The following CDK8 variants were observed in gnomAD, a reference collection of about 807,000 sequenced individuals.
CDK8 encodes cyclin dependent kinase 8, also known as cyclin-dependent kinase 8.
A neutral mutation model predicts 71.5 loss-of-function variants in CDK8; 29 were observed. That is an observed-to-expected ratio of 0.41 (90% confidence interval 0.30 to 0.55). CDK8 has a LOEUF of 0.55. Among genes scored for constraint, CDK8 ranks in the 20% least tolerant of loss-of-function variants. The pLI is 0.37. For synonymous variants in CDK8, 161 were observed against 192.1 expected (o/e 0.84, Z 1.34); for missense variants, 288 against 572.6 (o/e 0.50, Z 5.07).
chr13:26,371,496 T>C (rs747815549), intron 4 of CDK8, among the ~76,000 whole-genome samples: 8 of 152,222 alleles, frequency 5.3e-5, no homozygotes, highest in Non-Finnish European at 1.0e-4. Context: ...CTATCAGATA[T>C]AGTTTATTTC....
At position 26,290,883 on chromosome 13, in the gene CDK8, G is replaced by A. The variant is rs145664672; in HGVS notation, c.128+36114G>A. Among the ~76,000 whole-genome samples, 609 of 152,136 alleles carry A rather than the reference G, an allele frequency of 4.0e-3. 7 individuals carry two copies. The highest frequency in any genetic ancestry group is 0.014 in the African/African-American group (570 of 41,512). On this transcript the variant is annotated intron_variant, in intron 1 of 12. Coordinates refer to ENST00000381527, the MANE Select transcript of CDK8 (RefSeq NM_001260.3). The stretch of plus-strand genomic sequence containing the variant: ...TGTAATCCCAGCACTTTGGGAGGCC[G>A]AGGCAGGTGGATCATGAGGTCAAGA...
At chr13:26,262,102 T>C (rs1476840947) in intron 1 of CDK8, among the ~76,000 whole-genome samples, 1 of 152,232 alleles carries the variant, frequency 6.6e-6, no homozygotes, top group Non-Finnish European at 1.5e-5. Context: ...GAAATGCTTT[T>C]TTCTCAGTTG....
intron 1 of CDK8, among the ~76,000 whole-genome samples, chr13:26,310,559 C>T (rs1036161714): frequency 3.3e-5 from 5 of 152,156 alleles, no homozygotes; most frequent in East Asian, 3.9e-4. Flanking sequence ...CTAGATCCCT[C>T]GCATACAGTT....
rs1275858359 is a variant in CDK8 at position 26,369,714 on chromosome 13, T to C, written c.457-13100T>C. 1.1e-3 allele frequency among the ~76,000 whole-genome samples: 154 copies of C among 141,104 alleles called. No homozygotes were observed. In the Middle Eastern group the frequency reaches 0.014, roughly 13 times the overall value. 92.6% of individuals were successfully genotyped at this position (141,104 alleles called of 152,430 possible). A position where few individuals can be genotyped will look rare whatever the true frequency, so the allele number is the denominator to read the frequency against. Reference sequence around the variant, plus strand: ...CGGCTAATTTTTCTTTCTTTCTTTTTTTTTTTTTTTTTTTTGTATTTTTAG... The same window carrying C: ...CGGCTAATTTTTCTTTCTTTCTTTTCTTTTTTTTTTTTTTTGTATTTTTAG... On this transcript the variant is annotated intron_variant, in intron 4 of 12. Transcript: ENST00000381527.
rs766830272 is a variant in CDK8 at position 26,308,116 on chromosome 13, G to A, written c.129-29451G>A. On this transcript the variant is annotated intron_variant, in intron 1 of 12. Coordinates refer to ENST00000381527, the MANE Select transcript of CDK8 (RefSeq NM_001260.3). ...TGGTACATTCGTAAACAATTTTCTAGAATTGTGCTGTGCAGTGCAGTAGCC... is the reference window on the plus strand; with the variant it reads ...TGGTACATTCGTAAACAATTTTCTAAAATTGTGCTGTGCAGTGCAGTAGCC... 5.3e-5 allele frequency among the ~76,000 whole-genome samples: 8 copies of A among 152,188 alleles called. No homozygotes were observed. The South Asian group carries it at 6.2e-4, about 12-fold the overall frequency.
At chr13:26,274,853 T>C (rs1219690156) in intron 1 of CDK8, among the ~76,000 whole-genome samples, 1 of 152,220 alleles carries the variant, frequency 6.6e-6, no homozygotes, top group Non-Finnish European at 1.5e-5. Flanking sequence ...AAATGTGTAA[T>C]CAAATGTATC....
At chr13:26,275,255 T>C (rs375238833) in intron 1 of CDK8, among the ~76,000 whole-genome samples, 2 of 152,232 alleles carry the variant, frequency 1.3e-5, no homozygotes, top group East Asian at 3.8e-4. Flanking sequence ...TTACAGTTTT[T>C]CTTATCCATT....
intron 1 of CDK8, among the ~76,000 whole-genome samples, chr13:26,285,445 A>G (rs758784458): frequency 2.6e-5 from 4 of 152,218 alleles, no homozygotes; most frequent in Non-Finnish European, 4.4e-5. Flanking sequence ...AGCATTTAAC[A>G]ATATGATTAA....
intron 1 of CDK8, among the ~76,000 whole-genome samples, chr13:26,329,469 G>GTTTTTTTTTTTTTTGTTTTTT (rs35796023): frequency 1.4e-5 from 1 of 71,578 alleles, no homozygotes; most frequent in African/African-American, 4.0e-5. Context: ...GCCTATTTCT[G>GTTTTTTTTTTTTTTGTTTTTT]TTTTTTTTTT....
chr13:26,295,779 C>T (rs1476210326), intron 1 of CDK8, among the ~76,000 whole-genome samples: 1 of 152,044 alleles, frequency 6.6e-6, no homozygotes, highest in East Asian at 1.9e-4. Flanking sequence ...GCCTCCTTTC[C>T]CCAAGCATTA....
Position 26,302,438 on chromosome 13 carries a change from G to A in CDK8, c.129-35129G>A, listed in dbSNP as rs111731486. Reference sequence around the variant, plus strand: ...GGATTATATGTTTCTAAAAGTGTTCGCGATTCATTTGGAAGGGTCTTTTCA... The same window carrying A: ...GGATTATATGTTTCTAAAAGTGTTCACGATTCATTTGGAAGGGTCTTTTCA... On this transcript the variant is annotated intron_variant, in intron 1 of 12. Coordinates refer to ENST00000381527, the MANE Select transcript of CDK8 (RefSeq NM_001260.3). 6.8e-3 allele frequency among the ~76,000 whole-genome samples: 1,035 copies of A among 152,230 alleles called. 4 individuals carry two copies. Among genetic ancestry groups the A allele is most frequent in the African/African-American group, 0.023 (938 of 41,524 alleles).
intron 6 of CDK8, among the ~76,000 whole-genome samples, chr13:26,390,153 G>A (rs181252776): frequency 6.6e-6 from 1 of 152,158 alleles, no homozygotes; most frequent in Non-Finnish European, 1.5e-5. Context: ...CACCATTAAA[G>A]CTGCTTACCA....
intron 1 of CDK8, among the ~76,000 whole-genome samples, chr13:26,319,051 AT>A (rs1485409437): frequency 1.3e-5 from 2 of 152,242 alleles, no homozygotes; most frequent in African/African-American, 4.8e-5. Context: ...CAAACAAGTA[AT>A]AAATGAATTG....
chr13:26,272,221 G>C lies in CDK8; in HGVS notation c.128+17452G>C, dbSNP rs140245686. ...TTTTAAAAGTTTTTGGCTGGGCGTA[G>C]TGGGTCACACCTGTAATCCCAACAC... On this transcript the variant is annotated intron_variant, in intron 1 of 12. Coordinates refer to ENST00000381527, the MANE Select transcript of CDK8 (RefSeq NM_001260.3). Among the ~76,000 whole-genome samples the C allele has an allele frequency of 9.3e-3, 1,413 of 152,132 alleles. 41 individuals are homozygous for C. The highest frequency in any genetic ancestry group is 0.058 in the East Asian group (302 of 5,164).
In CDK8 at chr13:26,282,520, G is replaced by A. The variant is rs565626323; in HGVS notation, c.128+27751G>A. Among the ~76,000 whole-genome samples, 10 of 152,288 alleles carry A rather than the reference G, an allele frequency of 6.6e-5. No homozygotes were observed. The South Asian group carries it at 1.7e-3, about 25-fold the overall frequency. On this transcript the variant is annotated intron_variant, in intron 1 of 12. Transcript: ENST00000381527. ...TTTCTCAGACAAACAAATGCTGAGA[G>A]GATTCACCATCACCACACCAGCACT... is the stretch of plus-strand genomic sequence containing the variant.
At chr13:26,368,683 C>T (rs1197669114) in intron 4 of CDK8, among the ~76,000 whole-genome samples, 1 of 152,168 alleles carries the variant, frequency 6.6e-6, no homozygotes, top group Non-Finnish European at 1.5e-5. Context: ...TTATTTCTGT[C>T]TTTAAGGAGA....
At chr13:26,336,209 A>C (rs1800424608) in intron 1 of CDK8, among the ~76,000 whole-genome samples, 1 of 152,182 alleles carries the variant, frequency 6.6e-6, no homozygotes, top group Non-Finnish European at 1.5e-5. Context: ...GGTGTCTACA[A>C]GATCCTTTCA....
intron 1 of CDK8, among the ~76,000 whole-genome samples, chr13:26,271,713 G>A (rs1872327303): frequency 6.6e-6 from 1 of 151,704 alleles, no homozygotes; most frequent in Non-Finnish European, 1.5e-5. Flanking sequence ...AGGAGACCGA[G>A]GCGGTAGGAT....
At chr13:26,349,211 A>G (rs767565723) in intron 3 of CDK8, 29 bp downstream of exon 3, 24 of 1,205,100 alleles carry the variant, frequency 2.0e-5, no homozygotes, top group Non-Finnish European at 2.9e-5. Context: ...AGACATGAGC[A>G]AACAGTCAGG....
Sources: gnomAD v4.1 joint callset for allele counts (sites outside exome capture counted in the v4.1 genomes callset) on GRCh38, gnomAD v4.1.1 for gene constraint, MANE v1.5 for transcripts, NCBI Gene and HGNC (gene_info 2026-07-23, HGNC 2026-07-21) for gene names.